Variants in ABI3BP observed in about 807,000 individuals in gnomAD.
ABI3BP encodes the protein ABI family member 3 binding protein.
ABI3BP carries 216 observed loss-of-function variants against 268.6 expected under a neutral mutation model. The ratio of observed to expected loss-of-function variants is 0.80; its 90% confidence interval spans 0.72 to 0.90. The LOEUF (loss-of-function observed/expected upper bound fraction) is 0.90. ABI3BP is among the 40% of genes least tolerant of loss of function. The probability of loss-of-function intolerance (pLI) is 0.00; values close to 1 mark genes in which losing one functional copy is unlikely to be tolerated. For synonymous variants in ABI3BP, 730 were observed against 730.0 expected, an observed-to-expected ratio of 1.00 and a Z score of 0.00; for missense variants, 2,090 against 2,182.4, an observed-to-expected ratio of 0.96 and a Z score of 0.84.
chr3:100,785,323 G>T (rs2096998828), intron 57 of ABI3BP, among the ~76,000 whole-genome samples: 1 of 152,134 alleles, frequency 6.6e-6, no homozygotes, highest in African/African-American at 2.4e-5. Context: ...TGTCAGAGAA[G>T]AAAAGAAACT....
intron 63 of ABI3BP, among the ~76,000 whole-genome samples, chr3:100,765,454 AC>A (rs1453930169): frequency 2.0e-5 from 3 of 152,182 alleles, no homozygotes; most frequent in African/African-American, 7.2e-5. Flanking sequence ...TTGTCACAAG[AC>A]TTTCCTTTTC....
At chr3:100,936,795 T>A (rs1053175115) in intron 1 of ABI3BP, among the ~76,000 whole-genome samples, 1 of 152,142 alleles carries the variant, frequency 6.6e-6, no homozygotes, top group Non-Finnish European at 1.5e-5. Flanking sequence ...CTGATGGTAG[T>A]TTTTATTTCT....
chr3:100,749,578 TC>T lies in ABI3BP; in HGVS notation c.*916del. ...TTGAATTAAACAGTTACAAAGACAT[TC>T]TCTGATACATTCATTCATAGAGGTC... On this transcript the variant is annotated 3_prime_UTR_variant, in exon 68 of 68. Coordinates refer to ENST00000471714, the MANE Select transcript of ABI3BP (RefSeq NM_001375547.2). 1 of 397,428 alleles carries T rather than the reference TC, an allele frequency of 2.5e-6. No individual in the cohort carries two copies. The highest frequency in any genetic ancestry group is 3.6e-5 in the East Asian group (1 of 27,932). 24.6% of individuals were successfully genotyped at this position (397,428 alleles called of 1,614,324 possible). A position where few individuals can be genotyped will look rare whatever the true frequency, so the allele number is the denominator to read the frequency against.
chr3:100,961,047 T>G (rs1001738468), intron 1 of ABI3BP, among the ~76,000 whole-genome samples: 9 of 152,222 alleles, frequency 5.9e-5, no homozygotes, highest in African/African-American at 1.9e-4. Flanking sequence ...TGGTAATTTG[T>G]CATGGCTGCA....
chr3:100,787,658 A>C (rs1444556327), intron 57 of ABI3BP, 70 bp downstream of exon 57: 1 of 1,239,876 alleles, frequency 8.1e-7, no homozygotes, highest in Non-Finnish European at 1.1e-6. Flanking sequence ...TGAATTCAGC[A>C]ATATCATGAA....
chr3:100,794,220 C>T (rs1252700603), intron 54 of ABI3BP, among the ~76,000 whole-genome samples: 1 of 151,908 alleles, frequency 6.6e-6, no homozygotes, highest in African/African-American at 2.4e-5. Context: ...ATTAGTATAA[C>T]ATTGATGTTA....
intron 1 of ABI3BP, among the ~76,000 whole-genome samples, chr3:100,968,354 C>CT (rs1329731075): frequency 1.3e-5 from 2 of 152,164 alleles, no homozygotes; most frequent in African/African-American, 4.8e-5. Context: ...AATTTGTACA[C>CT]TTTTTTCACT....
At chr3:100,835,047 A>G (rs2098553546) in intron 28 of ABI3BP, among the ~76,000 whole-genome samples, 1 of 152,222 alleles carries the variant, frequency 6.6e-6, no homozygotes, top group Non-Finnish European at 1.5e-5. Flanking sequence ...CCCAGACCCA[A>G]GGGAAGTCAG....
rs573490927 is a variant in ABI3BP, at chr3:100,750,624, T to C, written c.5246-14A>G. ...CTCTGAAATAACCTGAGAGAGAAAA[T>C]AGTTTCATTTTAATAGCTGCTGTAT... is the stretch of plus-strand genomic sequence containing the variant. On this transcript the variant is annotated splice_polypyrimidine_tract_variant and intron_variant, in intron 67 of 67. Coordinates refer to ENST00000471714, the MANE Select transcript of ABI3BP (RefSeq NM_001375547.2). 6 of 1,585,644 alleles carry C rather than the reference T, an allele frequency of 3.8e-6. No homozygotes were observed. The highest frequency in any genetic ancestry group is 2.2e-5 in the East Asian group (1 of 44,592).
chr3:100,771,741 T>C (rs1191698199), intron 61 of ABI3BP, among the ~76,000 whole-genome samples: 2 of 151,996 alleles, frequency 1.3e-5, no homozygotes, highest in Non-Finnish European at 2.9e-5. Context: ...ACATTAAAAA[T>C]AATGAACATC....
At chr3:100,971,406 T>G (rs1203742494) in intron 1 of ABI3BP, among the ~76,000 whole-genome samples, 1 of 152,182 alleles carries the variant, frequency 6.6e-6, no homozygotes, top group African/African-American at 2.4e-5. Context: ...AGAATAAGTA[T>G]GGCAGATAAT....
intron 44 of ABI3BP, among the ~76,000 whole-genome samples, chr3:100,814,254 T>C (rs1004653332): frequency 1.3e-5 from 2 of 152,254 alleles, no homozygotes; most frequent in African/African-American, 2.4e-5. Context: ...TAAGTTCTCA[T>C]GGACTATTGT....
chr3:100,792,812 T>C, intron 54 of ABI3BP, 44 bp from the exon 55 acceptor site: 2 of 1,555,202 alleles, frequency 1.3e-6, no homozygotes, highest in Non-Finnish European at 1.8e-6. Flanking sequence ...ATAATTAACA[T>C]TATGAATATG....
Position 100,839,575 on chromosome 3 carries a change from T to G in ABI3BP, c.1939A>C (p.Thr647Pro). ...ATIQPEPLVPTTASKPSERPK... is the reference protein window; with the variant it reads ...ATIQPEPLVPPTASKPSERPK... Reference sequence around the variant, plus strand: ...GTGGAGGGAGTAGAATTACCAGTTGTGGGCACCAAGGGCTCCGGTTGTATC... The same window carrying G: ...GTGGAGGGAGTAGAATTACCAGTTGGGGGCACCAAGGGCTCCGGTTGTATC... The change falls in exon 24 of 68, where the codon ACA becomes CCA. Residue 647 changes from threonine (T) to proline (P), a missense_variant. Transcript: ENST00000471714. The G allele has an allele frequency of 1.3e-6, 2 of 1,535,824 alleles. No individual in the cohort carries two copies. The highest frequency in any genetic ancestry group is 1.7e-6 in the Non-Finnish European group (2 of 1,146,678).
intron 48 of ABI3BP, 129 bp downstream of exon 48, chr3:100,811,101 G>T: frequency 1.4e-6 from 1 of 728,356 alleles, no homozygotes; most frequent in Non-Finnish European, 2.1e-6. Flanking sequence ...CACCTTGAAA[G>T]AAAAGTAACT....
intron 24 of ABI3BP, among the ~76,000 whole-genome samples, chr3:100,839,002 T>C (rs1304797022): frequency 6.6e-6 from 1 of 152,144 alleles, no homozygotes; most frequent in Non-Finnish European, 1.5e-5. Flanking sequence ...TAAAACCAGT[T>C]TGGGACTTTT....
At position 100,808,191 on chromosome 3, in the gene ABI3BP, G is replaced by A. The variant is rs2097764807; in HGVS notation, c.3652C>T (p.Pro1218Ser). 21 of 1,611,492 alleles carry A rather than the reference G, an allele frequency of 1.3e-5. No homozygotes were observed. Among genetic ancestry groups the A allele is most frequent in the Non-Finnish European group, 1.6e-5 (19 of 1,178,368 alleles). The change falls in exon 50 of 68, where the codon CCA becomes TCA. Residue 1218 changes from proline to serine, a missense_variant. Physicochemically the swap from Pro to Ser is moderately conservative, Grantham distance 74. Transcript: ENST00000471714. Reference sequence around the variant, plus strand: ...TGTGTTTGTGGGATTCTTGGGCGTGGTGATGTTTTTGGCTTAGGAGGAGCA... The same window carrying A: ...TGTGTTTGTGGGATTCTTGGGCGTGATGATGTTTTTGGCTTAGGAGGAGCA... ...PRAPPKPKTS[P>S]RPRIPQTQPV... is the part of the protein sequence containing the mutation.
intron 2 of ABI3BP, among the ~76,000 whole-genome samples, chr3:100,915,435 G>A (rs2058292542): frequency 6.6e-6 from 1 of 152,180 alleles, no homozygotes; most frequent in African/African-American, 2.4e-5. Flanking sequence ...CCGGCCAGAT[G>A]TCATTATGGA....
At chr3:100,763,679 A>G (rs2096108348) in intron 63 of ABI3BP, among the ~76,000 whole-genome samples, 1 of 152,104 alleles carries the variant, frequency 6.6e-6, no homozygotes, top group Non-Finnish European at 1.5e-5. Flanking sequence ...TAAGTCCTAA[A>G]ACAATTACAA....
Sources: gnomAD v4.1 joint callset for allele counts (sites outside exome capture counted in the v4.1 genomes callset) on GRCh38, gnomAD v4.1.1 for gene constraint, MANE v1.5 for transcripts, NCBI Gene and HGNC (gene_info 2026-07-23, HGNC 2026-07-21) for gene names.